The following COL22A1 variants were observed in gnomAD, a reference collection of about 807,000 sequenced individuals.
COL22A1 encodes the protein collagen alpha-1(XXII) chain.
In COL22A1, 221 loss-of-function variants were observed where a neutral mutation model predicts 248.9. The ratio of observed to expected loss-of-function variants is 0.89; its 90% CI spans 0.80 to 0.99. The LOEUF is 0.99. Ranked by LOEUF, COL22A1 falls within the 50% of genes least tolerant of loss-of-function variation. The probability of loss-of-function intolerance (pLI) is 0.00; values close to 1 mark genes in which losing one functional copy is unlikely to be tolerated. For synonymous variants in COL22A1, 891 were observed against 793.4 expected (o/e 1.12, Z -2.07); for missense variants, 2,240 against 2,179.0 (o/e 1.03, Z -0.56).
intron 7 of COL22A1, among the ~76,000 whole-genome samples, chr8:138,815,789 A>T (rs977445868): frequency 6.6e-6 from 1 of 152,140 alleles, no homozygotes; most frequent in Non-Finnish European, 1.5e-5. Flanking sequence ...ATGGGCATTT[A>T]TCAAATGGAG....
At chr8:138,740,699 G>T (rs1247685419) in intron 22 of COL22A1, among the ~76,000 whole-genome samples, 1 of 152,184 alleles carries the variant, frequency 6.6e-6, no homozygotes, top group Non-Finnish European at 1.5e-5. Context: ...GACACCATAA[G>T]CATTAGGTTT....
chr8:138,693,889 G>A (rs1827283133), intron 34 of COL22A1, among the ~76,000 whole-genome samples, 190 bp from the exon 35 acceptor site: 1 of 152,008 alleles, frequency 6.6e-6, no homozygotes, highest in African/African-American at 2.4e-5. Context: ...TGGTCATATC[G>A]CGATTTCATT....
At chr8:138,650,618 C>T (rs73721906) in intron 45 of COL22A1, among the ~76,000 whole-genome samples, 1,668 of 152,082 alleles carry the variant, frequency 0.011, 25 homozygotes, top group African/African-American at 0.038. Context: ...TCCTTGTGAT[C>T]GGAGTTTAAT....
At chr8:138,724,710 A>T (rs985791952) in intron 24 of COL22A1, 42 bp from the exon 25 acceptor site, 11 of 1,588,740 alleles carry the variant, frequency 6.9e-6, no homozygotes, top group Non-Finnish European at 7.8e-6. Context: ...TGGCCTGTTC[A>T]GAGATCAGAT....
Position 138,690,882 on chromosome 8 carries a change from G to C in COL22A1, c.2755-8C>G, listed in dbSNP as rs1438488678. 6.2e-7 allele frequency: 1 copy of C among 1,605,282 alleles called. No individual in the cohort carries two copies. The highest frequency in any genetic ancestry group is 8.5e-7 in the Non-Finnish European group (1 of 1,176,396). ...GACATGTCCGGGAGCACCCTGTTCA[G>C]AGACAGAAGTTTAGAAAGGCCAAAC... On this transcript the variant is annotated splice_region_variant and splice_polypyrimidine_tract_variant and intron_variant, in intron 35 of 64. Transcript: ENST00000303045.
chr8:138,876,493 C>T (rs1823727808), intron 3 of COL22A1, among the ~76,000 whole-genome samples: 1 of 152,162 alleles, frequency 6.6e-6, no homozygotes. Flanking sequence ...CAGAAATCAG[C>T]ACAAGGCCAT....
chr8:138,666,492 A>C (rs180834939), intron 41 of COL22A1, among the ~76,000 whole-genome samples: 1 of 152,380 alleles, frequency 6.6e-6, no homozygotes, highest in Admixed American at 6.5e-5. Flanking sequence ...AGAAGCAGAA[A>C]AAATAATGGA....
At chr8:138,826,916 G>C in intron 5 of COL22A1, 135 bp from the exon 6 acceptor site, 3 of 1,111,254 alleles carry the variant, frequency 2.7e-6, no homozygotes, top group Non-Finnish European at 2.6e-6. Flanking sequence ...CCACCTTCTT[G>C]GCCTGCCTTC....
At chr8:138,720,647 G>T in intron 27 of COL22A1, 92 bp downstream of exon 27, 2 of 1,047,284 alleles carry the variant, frequency 1.9e-6, no homozygotes, top group Non-Finnish European at 3.0e-6. Context: ...TGATATAGAC[G>T]CTATGCTTAT....
At chr8:138,593,955 C>G in intron 63 of COL22A1, 62 bp downstream of exon 63, 2 of 1,332,252 alleles carry the variant, frequency 1.5e-6, no homozygotes, top group Non-Finnish European at 2.0e-6. Context: ...CACCTCCCAG[C>G]CCTGTTCCTT....
intron 34 of COL22A1, 27 bp downstream of exon 34, chr8:138,694,481 C>A: frequency 1.2e-6 from 2 of 1,611,248 alleles, no homozygotes; most frequent in Non-Finnish European, 1.7e-6. Context: ...GTCTCTGAGC[C>A]AGCAGGGGAA....
intron 34 of COL22A1, 27 bp from the exon 35 acceptor site, chr8:138,693,726 G>T: frequency 6.4e-7 from 1 of 1,556,320 alleles, no homozygotes; most frequent in South Asian, 1.2e-5. Context: ...AGAGGGGCGG[G>T]GGTAAGACAC....
intron 4 of COL22A1, among the ~76,000 whole-genome samples, chr8:138,834,728 A>G (rs1464932792): frequency 2.6e-5 from 4 of 152,236 alleles, no homozygotes; most frequent in African/African-American, 9.6e-5. Flanking sequence ...GACATACAGT[A>G]GATCACCAAC....
intron 22 of COL22A1, among the ~76,000 whole-genome samples, chr8:138,737,805 T>C (rs1333314744): frequency 6.6e-6 from 1 of 151,958 alleles, no homozygotes; most frequent in East Asian, 1.9e-4. Context: ...GTAACTTAAA[T>C]GTGTTCGGTA....
intron 49 of COL22A1, among the ~76,000 whole-genome samples, chr8:138,632,242 T>C (rs983298063): frequency 4.6e-5 from 7 of 152,214 alleles, no homozygotes; most frequent in African/African-American, 1.4e-4. Flanking sequence ...CCTGAGCCCA[T>C]ATCCCATTTC....
At chr8:138,774,287 G>A (rs994654057) in intron 16 of COL22A1, among the ~76,000 whole-genome samples, 1 of 152,076 alleles carries the variant, frequency 6.6e-6, no homozygotes, top group Non-Finnish European at 1.5e-5. Flanking sequence ...CAACGTGAGC[G>A]AGCCACAGAC....
At chr8:138,594,536 G>A (rs1434152571) in intron 62 of COL22A1, among the ~76,000 whole-genome samples, 1 of 152,182 alleles carries the variant, frequency 6.6e-6, no homozygotes, top group African/African-American at 2.4e-5. Flanking sequence ...CAGCCAGGTG[G>A]CCTTGAGCAA....
intron 61 of COL22A1, among the ~76,000 whole-genome samples, chr8:138,598,073 G>A (rs1490160806): frequency 6.6e-6 from 1 of 152,234 alleles, no homozygotes; most frequent in Non-Finnish European, 1.5e-5. Flanking sequence ...TGGTCACATG[G>A]ACTTCCACCA....
chr8:138,745,059 T>G (rs919896629), intron 22 of COL22A1, among the ~76,000 whole-genome samples: 1 of 152,242 alleles, frequency 6.6e-6, no homozygotes, highest in African/African-American at 2.4e-5. Context: ...GAGAAGGTCA[T>G]TCACGTTTCT....
Sources: gnomAD v4.1 joint callset for allele counts (sites outside exome capture counted in the v4.1 genomes callset) on GRCh38, gnomAD v4.1.1 for gene constraint, MANE v1.5 for transcripts, NCBI Gene and HGNC (gene_info 2026-07-23, HGNC 2026-07-21) for gene names.